The following ELAVL1 variants were observed in gnomAD, a reference collection of about 807,000 sequenced individuals.
ELAVL1 encodes ELAV like RNA binding protein 1, also known as ELAV-like protein 1.
A neutral mutation model predicts 28.4 loss-of-function variants in ELAVL1; 1 was observed. The observed-to-expected ratio is 0.04, with a 90% CI of 0.01 to 0.17. The LOEUF is 0.17. Ranked by LOEUF, ELAVL1 falls within the 10% of genes least tolerant of loss-of-function variation. The pLI, the probability that ELAVL1 is intolerant of heterozygous loss-of-function variation, is 1.00. For missense variants in ELAVL1, 157 were observed against 447.2 expected (o/e 0.35, Z 5.85); for synonymous variants, 174 against 183.5 (o/e 0.95, Z 0.42).
At position 7,983,555 on chromosome 19, in the gene ELAVL1, G is replaced by GT. The variant is rs536088549; in HGVS notation, c.173-2370dup. Among the ~76,000 whole-genome samples, 212 of 152,240 alleles carry GT rather than the reference G, an allele frequency of 1.4e-3. No homozygotes were observed. The Middle Eastern group carries it at 0.017, about 12-fold the overall frequency. ...TTGACCACGACGCCAGCCTGGCTGG[G>GT]TTTTTTTCACTCCTGAACACCTGCT... On this transcript the variant is annotated intron_variant, in intron 2 of 5. Coordinates refer to ENST00000407627, the MANE Select transcript of ELAVL1 (RefSeq NM_001419.3).
chr19:7,972,785 C>T (rs1985153359), intron 4 of ELAVL1: 1 of 143,720 alleles, frequency 7.0e-6, no homozygotes, highest in African/African-American at 2.6e-5. Context: ...CGCCACCGCA[C>T]CTGGCTGCAG....
rs372070965 is a variant in ELAVL1, at chr19:7,993,436, G to A, written c.-16-1605C>T. On this transcript the variant is annotated intron_variant, in intron 1 of 5. Transcript: ENST00000407627. ...CTGTTTATTCCCAAAGACACAGTGA[G>A]TGAGCTGGAAAGAGGTGAGGGTTTC... 6.6e-5 allele frequency among the ~76,000 whole-genome samples: 10 copies of A among 152,330 alleles called. No individual in the cohort carries two copies. The South Asian group carries it at 1.0e-3, about 16-fold the overall frequency.
chr19:7,997,843 C>CG (rs1376792024), intron 1 of ELAVL1, among the ~76,000 whole-genome samples: 1 of 151,986 alleles, frequency 6.6e-6, no homozygotes, highest in Non-Finnish European at 1.5e-5. Flanking sequence ...CCCAGCTAAT[C>CG]GGGGGGCTCA....
At chr19:7,984,139 G>A (rs139564866) in intron 2 of ELAVL1, among the ~76,000 whole-genome samples, 2 of 152,230 alleles carry the variant, frequency 1.3e-5, no homozygotes, top group Non-Finnish European at 1.5e-5. Context: ...TGGGCTGCCC[G>A]TCACCTTCCA....
rs149857084 is a variant in ELAVL1, at chr19:8,002,066, C to G, written c.-17+3429G>C. 2,061 of 1,289,350 alleles carry G rather than the reference C, an allele frequency of 1.6e-3. 62 individuals are homozygous for G. The Admixed American group carries it at 0.044, about 27-fold the overall frequency. 79.9% of individuals were successfully genotyped at this position (1,289,350 alleles called of 1,614,324 possible). A position where few individuals can be genotyped will look rare whatever the true frequency, so the allele number is the denominator to read the frequency against. On this transcript the variant is annotated intron_variant, in intron 1 of 5. Coordinates refer to ENST00000407627, the MANE Select transcript of ELAVL1 (RefSeq NM_001419.3). ...CCCTGGCCTACCTGCAGGGTAACAG[C>G]CAAGCCCTCTGCCCAGTGGACACCT...
At chr19:7,995,480 G>A (rs1002166348) in intron 1 of ELAVL1, among the ~76,000 whole-genome samples, 1 of 152,110 alleles carries the variant, frequency 6.6e-6, no homozygotes, top group African/African-American at 2.4e-5. Flanking sequence ...ACACATCATG[G>A]CCTGTGGTAC....
intron 2 of ELAVL1, among the ~76,000 whole-genome samples, chr19:7,983,119 T>C (rs1479255914): frequency 6.6e-6 from 1 of 152,180 alleles, no homozygotes; most frequent in Non-Finnish European, 1.5e-5. Context: ...GTGCAGTTAG[T>C]TCTGCATGGG....
At position 7,981,967 on chromosome 19, in the gene ELAVL1, C is replaced by T. The variant is rs565917608; in HGVS notation, c.173-781G>A. Reference sequence around the variant, plus strand: ...TTCCAAGCCTGAGACCAGCCCGACCCCGCTGTGGGGCAGAAGAGTCCAGGG... The same window carrying T: ...TTCCAAGCCTGAGACCAGCCCGACCTCGCTGTGGGGCAGAAGAGTCCAGGG... On this transcript the variant is annotated intron_variant, in intron 2 of 5. Coordinates refer to ENST00000407627, the MANE Select transcript of ELAVL1 (RefSeq NM_001419.3). This position sits in a 1 kb window ranked among gnomAD's most constrained non-coding sequence, Gnocchi z 4.2. 6.6e-6 allele frequency among the ~76,000 whole-genome samples: 1 copy of T among 152,276 alleles called. No homozygotes were observed. The highest frequency in any genetic ancestry group is 2.4e-5 in the African/African-American group (1 of 41,554).
intron 2 of ELAVL1, among the ~76,000 whole-genome samples, chr19:7,990,449 T>G (rs1488006294): frequency 6.7e-6 from 1 of 150,286 alleles, no homozygotes; most frequent in Admixed American, 6.6e-5. Flanking sequence ...CACTGCAACC[T>G]CAACCCCCGA....
At chr19:7,990,803 G>T (rs762685807) in intron 2 of ELAVL1, among the ~76,000 whole-genome samples, 1 of 152,182 alleles carries the variant, frequency 6.6e-6, no homozygotes, top group Non-Finnish European at 1.5e-5. Flanking sequence ...GGGGTGGGTA[G>T]AGGGAAGAGG....
intron 5 of ELAVL1, among the ~76,000 whole-genome samples, chr19:7,967,039 T>TA (rs1274187895): frequency 1.3e-5 from 2 of 150,852 alleles, no homozygotes; most frequent in Non-Finnish European, 3.0e-5. Context: ...TTTTTTTTTT[T>TA]AATAAAAACA....
intron 4 of ELAVL1, among the ~76,000 whole-genome samples, chr19:7,969,390 C>A (rs758536230): frequency 2.0e-5 from 3 of 152,196 alleles, no homozygotes; most frequent in Admixed American, 6.5e-5. Context: ...CCTTACTCCA[C>A]CACTTCCCAG....
At chr19:7,987,298 C>G (rs772021151) in intron 2 of ELAVL1, among the ~76,000 whole-genome samples, 26 of 152,238 alleles carry the variant, frequency 1.7e-4, no homozygotes, top group Middle Eastern at 3.4e-3. Flanking sequence ...CCTGGTGGCT[C>G]CGGCATGACA....
At chr19:7,980,444 C>T (rs542059529) in intron 3 of ELAVL1, among the ~76,000 whole-genome samples, 2 of 152,134 alleles carry the variant, frequency 1.3e-5, no homozygotes, top group South Asian at 2.1e-4. Context: ...CCCCAGTGCA[C>T]GAGAGCGCGG....
At chr19:7,996,128 G>A (rs1489997195) in intron 1 of ELAVL1, among the ~76,000 whole-genome samples, 1 of 151,502 alleles carries the variant, frequency 6.6e-6, no homozygotes, top group Non-Finnish European at 1.5e-5. Context: ...CTCCCATCTT[G>A]GCCTCTCAAA....
chr19:8,005,290 C>T (rs945074448), intron 1 of ELAVL1, among the ~76,000 whole-genome samples: 1 of 151,170 alleles, frequency 6.6e-6, no homozygotes, highest in Non-Finnish European at 1.5e-5. Flanking sequence ...CAGAGGAATC[C>T]GGCCCCGGGG....
rs6603129 is a variant in ELAVL1, at chr19:7,968,118, C to T, written c.431-328G>A. Among the ~76,000 whole-genome samples the T allele has an allele frequency of 2.1e-3, 320 of 152,310 alleles. 1 individual carries two copies. The highest frequency in any genetic ancestry group is 7.5e-3 in the African/African-American group (310 of 41,572). On this transcript the variant is annotated intron_variant, in intron 4 of 5. Transcript: ENST00000407627. The stretch of plus-strand genomic sequence containing the variant: ...CAACATTAGGAAACAGCACATCCAC[C>T]GTCACTATTTAGCTGCCAGGTGTCC...
rs1410701255 is a variant in ELAVL1, at chr19:7,961,161, G to A, written c.*2322C>T. On this transcript the variant is annotated 3_prime_UTR_variant, in exon 6 of 6. Coordinates refer to ENST00000407627, the MANE Select transcript of ELAVL1 (RefSeq NM_001419.3). ...AATAATTGATAGGATTCAGATAAAA[G>A]GGGGCGAGGAAAGAAGCTGAGGTGC... 1 of 152,252 alleles carries A rather than the reference G, an allele frequency of 6.6e-6. No individual in the cohort carries two copies. Among genetic ancestry groups the A allele is most frequent in the Non-Finnish European group, 1.5e-5 (1 of 68,038 alleles). The allele number at this position is 152,252 out of a possible 1,614,324, so 9.4% of individuals were successfully genotyped here.
chr19:7,976,146 T>TA (rs1286385548), intron 3 of ELAVL1, among the ~76,000 whole-genome samples: 1 of 150,318 alleles, frequency 6.7e-6, no homozygotes, highest in East Asian at 2.0e-4. Flanking sequence ...CTCATGCCTA[T>TA]AATCCCAGCA....
Sources: allele counts gnomAD v4.1 joint callset (sites outside exome capture counted in the v4.1 genomes callset), GRCh38; gene constraint gnomAD v4.1.1; non-coding constraint Gnocchi (gnomAD v3.1); transcripts MANE v1.5; gene names NCBI Gene and HGNC (gene_info 2026-07-23, HGNC 2026-07-21).